Variants in PDIA3 observed in about 807,000 individuals in gnomAD.
PDIA3 encodes protein disulfide isomerase family A member 3.
PDIA3 carries 16 observed loss-of-function variants against 56.9 expected under a neutral mutation model. The ratio of observed to expected loss-of-function variants is 0.28; its 90% CI spans 0.19 to 0.43. PDIA3 has a LOEUF of 0.43. Among genes scored for constraint, PDIA3 ranks in the 20% least tolerant of loss-of-function variants. The pLI, the probability that PDIA3 is intolerant of heterozygous loss-of-function variation, is 1.00. For missense variants in PDIA3, 485 were observed against 621.3 expected (o/e 0.78, Z 2.33); for synonymous variants, 192 against 216.5 (o/e 0.89, Z 0.99).
Position 43,771,157 on chromosome 15 carries a change from A to C in PDIA3, c.1457A>C (p.Asn486Thr), listed in dbSNP as rs1295152320. The C allele has an allele frequency of 1.9e-6, 3 of 1,612,848 alleles. No homozygotes were observed. The South Asian group carries it at 3.3e-5, about 18-fold the overall frequency. The change falls in exon 13 of 13, where the codon AAC becomes ACC. Residue 486 changes from asparagine (N) to threonine (T), a missense_variant. Coordinates refer to ENST00000300289, the MANE Select transcript of PDIA3 (RefSeq NM_005313.5). ...AGCTATCTACAAAGAGAAGCTACAAACCCCCCTGTAATTCAAGAAGAAAAA... is the reference window on the plus strand; with the variant it reads ...AGCTATCTACAAAGAGAAGCTACAACCCCCCCTGTAATTCAAGAAGAAAAA... The part of the protein sequence containing the change: ...FISYLQREAT[N>T]PPVIQEEKPK...
Position 43,771,337 on chromosome 15 carries a change from A to G in PDIA3, c.*119A>G, listed in dbSNP as rs1410554798. On this transcript the variant is annotated 3_prime_UTR_variant, in exon 13 of 13. Coordinates refer to ENST00000300289, the MANE Select transcript of PDIA3 (RefSeq NM_005313.5). ...TCTCAGGGCCGAGAGGACAGAATGG[A>G]TATAATCTGAATCCTGTTAAATTTT... is the stretch of plus-strand genomic sequence containing the variant. 1.6e-5 allele frequency: 10 copies of G among 610,000 alleles called. No homozygotes were observed. The highest frequency in any genetic ancestry group is 2.9e-5 in the Non-Finnish European group (10 of 347,024). The allele number at this position is 610,000 out of a possible 1,614,324, so 37.8% of individuals were successfully genotyped here.
At chr15:43,765,035 C>A (rs2086839318) in intron 5 of PDIA3, among the ~76,000 whole-genome samples, 1 of 152,068 alleles carries the variant, frequency 6.6e-6, no homozygotes, top group African/African-American at 2.4e-5. Context: ...GAAAAGAGTC[C>A]TTATGTGCTT....
In PDIA3 at chr15:43,766,849, A is replaced by G. The variant is rs2086850289; in HGVS notation, c.967A>G (p.Ile323Val). 6.2e-7 allele frequency: 1 copy of G among 1,613,988 alleles called. No homozygotes were observed. Among genetic ancestry groups the G allele is most frequent in the Non-Finnish European group, 8.5e-7 (1 of 1,179,852 alleles). ...TGGCTTGGAGAGCACTGCTGGAGAGATTCCTGTTGTTGCTATCAGAACTGC... is the reference window on the plus strand; with the variant it reads ...TGGCTTGGAGAGCACTGCTGGAGAGGTTCCTGTTGTTGCTATCAGAACTGC... ...DFGLESTAGE[I>V]PVVAIRTAKG... Residue 323 changes from isoleucine to valine, a missense_variant, in exon 8 of 13, where the codon ATT becomes GTT. Transcript: ENST00000300289.
intron 5 of PDIA3, among the ~76,000 whole-genome samples, chr15:43,764,383 A>G (rs10152845): frequency 0.018 from 2,695 of 152,270 alleles, 86 homozygotes; most frequent in African/African-American, 0.062. Context: ...ATTAGTGGCA[A>G]TGGATAGGAA....
chr15:43,752,286 T>C (rs1361371982), intron 1 of PDIA3, among the ~76,000 whole-genome samples: 1 of 152,188 alleles, frequency 6.6e-6, no homozygotes, highest in East Asian at 1.9e-4. Context: ...GTTACTCCCT[T>C]TAAAATCCAT....
In PDIA3 at chr15:43,765,997, A is replaced by G. The variant is rs756782649; in HGVS notation, c.830A>G (p.Asn277Ser). The change falls in exon 7 of 13, where the codon AAC (asparagine) becomes AGC (serine). Residue 277 changes from asparagine (N) to serine (S), a missense_variant. Asn to Ser is a conservative substitution (Grantham distance 46). Coordinates refer to ENST00000300289, the MANE Select transcript of PDIA3 (RefSeq NM_005313.5). ...TATGAAAAGAACGCTAAAGGTTCCAACTACTGGAGAAACAGGTAATAAGAA... is the reference window on the plus strand; with the variant it reads ...TATGAAAAGAACGCTAAAGGTTCCAGCTACTGGAGAAACAGGTAATAAGAA... ...VDYEKNAKGSNYWRNRVMMVA... is the reference protein window; with the variant it reads ...VDYEKNAKGSSYWRNRVMMVA... 5 of 1,613,582 alleles carry G rather than the reference A, an allele frequency of 3.1e-6. No individual in the cohort carries two copies. The South Asian group carries it at 3.3e-5, about 11-fold the overall frequency.
At chr15:43,756,835 A>C in intron 3 of PDIA3, 69 bp downstream of exon 3, 2 of 897,946 alleles carry the variant, frequency 2.2e-6, no homozygotes, top group Non-Finnish European at 3.6e-6. Flanking sequence ...GAAACATAAA[A>C]ATGTGTTTTT....
At position 43,749,248 on chromosome 15, in the gene PDIA3, C is replaced by T. The variant is rs1488080172; in HGVS notation, c.167+2542C>T. Among the ~76,000 whole-genome samples the T allele has an allele frequency of 2.6e-5, 4 of 152,156 alleles. 1 individual carries two copies. The highest frequency in any genetic ancestry group is 6.8e-3 in the Middle Eastern group (2 of 294). ...AGCTGGGATTACAGGCACGCACCAC[C>T]AAGCCCGGCTAATTTTTGTATTTTA... On this transcript the variant is annotated intron_variant, in intron 1 of 12. Transcript: ENST00000300289.
intron 3 of PDIA3, among the ~76,000 whole-genome samples, chr15:43,759,849 G>A (rs565000838): frequency 3.3e-5 from 5 of 152,278 alleles, no homozygotes; most frequent in African/African-American, 1.2e-4. Context: ...ACTTTGGGAG[G>A]TCGAGGTGGG....
Position 43,773,252 on chromosome 15 carries a change from AAAAGT to A in PDIA3, c.*2038_*2042del. The A allele has an allele frequency of 6.2e-7, 1 of 1,613,798 alleles. No individual in the cohort carries two copies. Among genetic ancestry groups the A allele is most frequent in the Non-Finnish European group, 8.5e-7 (1 of 1,179,916 alleles). On this transcript the variant is annotated 3_prime_UTR_variant, in exon 13 of 13. Transcript: ENST00000300289. ...CTGCAGAGAAAAAGCATCCATGTCA[AAAAGT>A]AAAAATTCTCATTCTACCTTGCTTC...
At chr15:43,769,441 G>A (rs2086868042) in intron 9 of PDIA3, 77 bp from the exon 10 acceptor site, 1 of 1,346,928 alleles carries the variant, frequency 7.4e-7, no homozygotes, top group African/African-American at 1.4e-5. Context: ...ATTAGAGAGG[G>A]ATTGGGTCTA....
At chr15:43,763,023 G>T in intron 4 of PDIA3, 54 bp from the exon 5 acceptor site, 1 of 1,562,172 alleles carries the variant, frequency 6.4e-7, no homozygotes, top group Non-Finnish European at 8.8e-7. Context: ...GGTTTGGAAT[G>T]TCCATCTGTC....
rs149475006 is a variant in PDIA3 at position 43,747,778 on chromosome 15, G to C, written c.167+1072G>C. 3.3e-3 allele frequency among the ~76,000 whole-genome samples: 507 copies of C among 152,246 alleles called. 5 individuals are homozygous for C. Among genetic ancestry groups the C allele is most frequent in the African/African-American group, 0.012 (482 of 41,538 alleles). On this transcript the variant is annotated intron_variant, in intron 1 of 12. Transcript: ENST00000300289. ...TTGTGTATAACTTTTATTTGCTTCA[G>C]ACTCAGGTCTTCCCTTCTTAGCCTC... is the stretch of plus-strand genomic sequence containing the variant.
intron 12 of PDIA3, 148 bp downstream of exon 12, chr15:43,770,728 G>A: frequency 9.4e-6 from 6 of 640,776 alleles, no homozygotes; most frequent in Non-Finnish European, 1.6e-5. Flanking sequence ...GAGTGCAATG[G>A]CGTGATCTCG....
chr15:43,761,296 G>T, intron 3 of PDIA3, 128 bp from the exon 4 acceptor site: 1 of 510,210 alleles, frequency 2.0e-6, no homozygotes, highest in Non-Finnish European at 3.5e-6. Flanking sequence ...GGGTGACTAG[G>T]GACAAGGGTG....
At chr15:43,748,161 G>A (rs990331847) in intron 1 of PDIA3, among the ~76,000 whole-genome samples, 2 of 152,122 alleles carry the variant, frequency 1.3e-5, no homozygotes, top group Non-Finnish European at 2.9e-5. Context: ...AGAATAGTGG[G>A]CCACTAGAAT....
chr15:43,765,764 C>T, intron 6 of PDIA3, 123 bp from the exon 7 acceptor site: 2 of 1,068,672 alleles, frequency 1.9e-6, no homozygotes, highest in Non-Finnish European at 1.4e-6. Context: ...ATATATTGCT[C>T]AGTACTTGTT....
chr15:43,764,308 T>TCTTA (rs1318654775), intron 5 of PDIA3, among the ~76,000 whole-genome samples: 1 of 152,108 alleles, frequency 6.6e-6, no homozygotes, highest in Non-Finnish European at 1.5e-5. Flanking sequence ...TAAGGAGAAT[T>TCTTA]CTAAGGACTA....
intron 1 of PDIA3, among the ~76,000 whole-genome samples, chr15:43,748,471 T>TCG (rs2086721541): frequency 6.6e-6 from 1 of 151,580 alleles, no homozygotes; most frequent in Non-Finnish European, 1.5e-5. Context: ...AGAGCGAAAC[T>TCG]CTGTCTCAAA....
Sources: gnomAD v4.1 joint callset for allele counts (sites outside exome capture counted in the v4.1 genomes callset) on GRCh38, gnomAD v4.1.1 for gene constraint, MANE v1.5 for transcripts, NCBI Gene and HGNC (gene_info 2026-07-23, HGNC 2026-07-21) for gene names.